CDK6: variants seen among roughly 807,000 people sequenced by gnomAD.
CDK6 encodes the protein cyclin dependent kinase 6, also known as cyclin-dependent kinase 6.
In CDK6, 6 loss-of-function variants were observed where a neutral mutation model predicts 37.1. The ratio of observed to expected loss-of-function variants is 0.16; its 90% confidence interval spans 0.09 to 0.32. The LOEUF (loss-of-function observed/expected upper bound fraction) is 0.32, where lower values mean the gene tolerates loss of function less well. Among genes scored for constraint, CDK6 ranks in the 10% least tolerant of loss-of-function variants. The pLI is 1.00. For synonymous variants in CDK6, 160 were observed against 161.3 expected, an observed-to-expected ratio of 0.99 and a Z score of 0.06; for missense variants, 224 against 418.9, an observed-to-expected ratio of 0.53 and a Z score of 4.06.
Position 92,774,825 on chromosome 7 carries a change from A to T in CDK6, c.240T>A (p.Phe80Leu), listed in dbSNP as rs2115786311. Residue 80 changes from phenylalanine to leucine, a missense_variant, in exon 3 of 8, where the codon TTT becomes TTA. Coordinates refer to ENST00000424848, the MANE Select transcript of CDK6 (RefSeq NM_001145306.2). ...CTGTTCGTGACACTGTGCACACATC[A>T]AACAACCTAGAAGAAAAAACAAAGA... ...TFEHPNVVRL[F>L]DVCTVSRTDR... The T allele has an allele frequency of 6.2e-7, 1 of 1,608,816 alleles. No homozygotes were observed. Among genetic ancestry groups the T allele is most frequent in the Non-Finnish European group, 8.5e-7 (1 of 1,178,264 alleles).
At chr7:92,676,956 CAAA>C (rs1199410067) in intron 4 of CDK6, among the ~76,000 whole-genome samples, 108 of 65,166 alleles carry the variant, frequency 1.7e-3, no homozygotes, top group Middle Eastern at 0.021. Flanking sequence ...GACTCCGTCT[CAAA>C]AAAAAAAAAA....
At chr7:92,708,759 A>G (rs931301232) in intron 4 of CDK6, among the ~76,000 whole-genome samples, 1 of 152,246 alleles carries the variant, frequency 6.6e-6, no homozygotes, top group African/African-American at 2.4e-5. Context: ...GATTTATACA[A>G]CTACTAGTGA....
At chr7:92,672,975 T>G (rs1797124769) in intron 4 of CDK6, among the ~76,000 whole-genome samples, 1 of 152,216 alleles carries the variant, frequency 6.6e-6, no homozygotes, top group Non-Finnish European at 1.5e-5. Flanking sequence ...CCTTAGTGAC[T>G]TACTTGACCT....
intron 5 of CDK6, among the ~76,000 whole-genome samples, chr7:92,647,040 G>A (rs1484955106): frequency 2.0e-5 from 3 of 152,164 alleles, no homozygotes; most frequent in Non-Finnish European, 4.4e-5. Context: ...AGGAGCAAAC[G>A]ATGCATTTGG....
At chr7:92,826,999 T>C (rs893500647) in intron 2 of CDK6, among the ~76,000 whole-genome samples, 2 of 152,162 alleles carry the variant, frequency 1.3e-5, no homozygotes, top group Non-Finnish European at 2.9e-5. Context: ...TTTTCTGGTA[T>C]ATCCAATGAC....
intron 2 of CDK6, among the ~76,000 whole-genome samples, chr7:92,803,983 T>G (rs1800658154): frequency 6.6e-6 from 1 of 152,224 alleles, no homozygotes; most frequent in Non-Finnish European, 1.5e-5. Flanking sequence ...CTACCTTAAT[T>G]AATCTTAAGA....
intron 2 of CDK6, among the ~76,000 whole-genome samples, chr7:92,830,982 T>C (rs560122294): frequency 1.3e-5 from 2 of 152,304 alleles, no homozygotes; most frequent in South Asian, 4.1e-4. Context: ...ACGCAAACAA[T>C]CCTTTAGATA....
intron 5 of CDK6, among the ~76,000 whole-genome samples, chr7:92,639,132 A>T (rs971757008): frequency 6.6e-6 from 1 of 152,004 alleles, no homozygotes; most frequent in Non-Finnish European, 1.5e-5. Context: ...TCAAAATATT[A>T]AAAAAAATCT....
intron 2 of CDK6, among the ~76,000 whole-genome samples, chr7:92,809,747 T>C (rs1800823769): frequency 6.6e-6 from 1 of 152,128 alleles, no homozygotes; most frequent in African/African-American, 2.4e-5. Context: ...CATTAACTAA[T>C]TAAAAACAGA....
chr7:92,815,044 G>A (rs987016203), intron 2 of CDK6, among the ~76,000 whole-genome samples: 4 of 152,194 alleles, frequency 2.6e-5, no homozygotes, highest in Admixed American at 6.6e-5. Context: ...GGAAGCAGAA[G>A]CTGGACTACG....
Position 92,612,857 on chromosome 7 carries a change from G to T in CDK6, c.*2283C>A, listed in dbSNP as rs1795592892. On this transcript the variant is annotated 3_prime_UTR_variant, in exon 8 of 8. Transcript: ENST00000424848. The stretch of plus-strand genomic sequence containing the variant: ...CCATGAATACTAACCAAAAAGCTCA[G>T]ATGAATCAGTGCAGTGAGTTTTTAA... 1 of 232,982 alleles carries T rather than the reference G, an allele frequency of 4.3e-6. No individual in the cohort carries two copies. Among genetic ancestry groups the T allele is most frequent in the Admixed American group, 5.6e-5 (1 of 17,782 alleles). 14.4% of individuals were successfully genotyped at this position (232,982 alleles called of 1,614,324 possible).
At chr7:92,762,877 A>G (rs2115732001) in intron 3 of CDK6, among the ~76,000 whole-genome samples, 1 of 152,280 alleles carries the variant, frequency 6.6e-6, no homozygotes, top group South Asian at 2.1e-4. Flanking sequence ...GGCCTAGAAC[A>G]TCTTAAATTG....
At chr7:92,643,987 G>T (rs1796381099) in intron 5 of CDK6, among the ~76,000 whole-genome samples, 1 of 152,156 alleles carries the variant, frequency 6.6e-6, no homozygotes, top group Non-Finnish European at 1.5e-5. Context: ...GGCCCAGAGG[G>T]ACCTAAGGAA....
At chr7:92,644,940 C>T (rs1796409471) in intron 5 of CDK6, among the ~76,000 whole-genome samples, 1 of 152,182 alleles carries the variant, frequency 6.6e-6, no homozygotes, top group Non-Finnish European at 1.5e-5. Flanking sequence ...TGCTGCATGT[C>T]CAAAGAGGCA....
chr7:92,640,993 T>G (rs1470862193), intron 5 of CDK6, among the ~76,000 whole-genome samples: 1 of 152,176 alleles, frequency 6.6e-6, no homozygotes, highest in East Asian at 1.9e-4. Flanking sequence ...CCAGATATAT[T>G]TTTATATAAG....
intron 4 of CDK6, among the ~76,000 whole-genome samples, chr7:92,722,648 A>G (rs1157214290): frequency 6.6e-6 from 1 of 152,224 alleles, no homozygotes; most frequent in East Asian, 1.9e-4. Flanking sequence ...TATGAGGAAT[A>G]TTGACACACA....
intron 4 of CDK6, among the ~76,000 whole-genome samples, chr7:92,688,854 C>G (rs1474750308): frequency 6.6e-6 from 1 of 152,148 alleles, no homozygotes; most frequent in Non-Finnish European, 1.5e-5. Flanking sequence ...ACCACATTCC[C>G]TCTAAAGAGG....
At chr7:92,716,199 G>A (rs1798226530) in intron 4 of CDK6, among the ~76,000 whole-genome samples, 1 of 152,182 alleles carries the variant, frequency 6.6e-6, no homozygotes, top group African/African-American at 2.4e-5. Context: ...ATGCAGAGTA[G>A]GAAATCCATT....
chr7:92,672,184 GACACATACACACACACAC>G (rs1797096001), intron 4 of CDK6, among the ~76,000 whole-genome samples: 2 of 44,140 alleles, frequency 4.5e-5, no homozygotes, highest in Admixed American at 2.8e-4. Context: ...CACACACACA[GACACATACACACACACAC>G]ACACACACAC....
Sources: gnomAD v4.1 joint callset for allele counts (sites outside exome capture counted in the v4.1 genomes callset) on GRCh38, gnomAD v4.1.1 for gene constraint, MANE v1.5 for transcripts, NCBI Gene and HGNC (gene_info 2026-07-23, HGNC 2026-07-21) for gene names.